Variants in ZNF385D observed in about 807,000 individuals in gnomAD.
ZNF385D encodes the protein zinc finger protein 385D.
ZNF385D carries 15 observed loss-of-function variants against 35.8 expected under a neutral mutation model. That is an observed-to-expected ratio of 0.42 (90% CI 0.28 to 0.64). The LOEUF (loss-of-function observed/expected upper bound fraction) is 0.64, where lower values mean the gene tolerates loss of function less well. Among genes scored for constraint, ZNF385D ranks in the 30% least tolerant of loss-of-function variants. The pLI is 0.23. For missense variants in ZNF385D, 474 were observed against 494.6 expected (o/e 0.96, Z 0.39); for synonymous variants, 212 against 186.8 (o/e 1.13, Z -1.10).
At chr3:22,074,407 G>A (rs541481394) in intron 3 of ZNF385D, among the ~76,000 whole-genome samples, 2 of 151,940 alleles carry the variant, frequency 1.3e-5, no homozygotes, top group African/African-American at 2.4e-5. Context: ...ATTTTTCTAT[G>A]GGTGGAGCTA....
chr3:21,828,013 T>G (rs895759149), intron 3 of ZNF385D, among the ~76,000 whole-genome samples: 9 of 152,186 alleles, frequency 5.9e-5, no homozygotes, highest in African/African-American at 2.2e-4. Flanking sequence ...TGACTCAGAG[T>G]TTATGCATTT....
chr3:21,895,494 A>AT (rs1221696542), intron 3 of ZNF385D, among the ~76,000 whole-genome samples: 4,760 of 131,454 alleles, frequency 0.036, 132 homozygotes, highest in African/African-American at 0.071. Context: ...TGCCTGGCTA[A>AT]TTTTTTTTTT....
chr3:21,761,603 A>C (rs1308165079), intron 3 of ZNF385D, among the ~76,000 whole-genome samples: 1 of 152,132 alleles, frequency 6.6e-6, no homozygotes, highest in Non-Finnish European at 1.5e-5. Context: ...GAAGTAATAC[A>C]GTCTCATAGG....
At chr3:21,918,604 G>T (rs893983017) in intron 3 of ZNF385D, among the ~76,000 whole-genome samples, 5 of 152,038 alleles carry the variant, frequency 3.3e-5, no homozygotes, top group Non-Finnish European at 5.9e-5. Context: ...ATACATGAGA[G>T]GAAAAGTGAA....
At chr3:22,369,165 G>C in intron 2 of ZNF385D, among the ~76,000 whole-genome samples, 1 of 152,098 alleles carries the variant, frequency 6.6e-6, no homozygotes, top group East Asian at 1.9e-4. Context: ...TCCAATATTA[G>C]TTTCTTCAAT....
At chr3:21,677,822 T>C (rs1281861340) in intron 1 of ZNF385D, among the ~76,000 whole-genome samples, 2 of 152,046 alleles carry the variant, frequency 1.3e-5, no homozygotes, top group East Asian at 3.9e-4. Flanking sequence ...TTTTTAGTTG[T>C]GGAAACTGGG....
intron 7 of ZNF385D, 128 bp downstream of exon 7, chr3:21,423,835 T>A (rs1388531606): frequency 1.3e-6 from 1 of 789,560 alleles, no homozygotes; most frequent in East Asian, 3.1e-5. Context: ...CTATGATAAA[T>A]CTGAACTCAA....
At chr3:21,717,870 G>T (rs1322539973) in intron 1 of ZNF385D, among the ~76,000 whole-genome samples, 1 of 152,124 alleles carries the variant, frequency 6.6e-6, no homozygotes, top group African/African-American at 2.4e-5. Flanking sequence ...CCAGTCTCAG[G>T]TATGTCTTTA....
At chr3:21,553,779 A>G (rs2125606595) in intron 3 of ZNF385D, among the ~76,000 whole-genome samples, 1 of 152,314 alleles carries the variant, frequency 6.6e-6, no homozygotes, top group South Asian at 2.1e-4. Flanking sequence ...CAGCGTTCAC[A>G]GCATCTTCAT....
At chr3:21,754,730 CTGTT>C (rs1035981320), upstream of ZNF385D, among the ~76,000 whole-genome samples, 5 of 151,970 alleles carry the variant, frequency 3.3e-5, no homozygotes, top group African/African-American at 4.8e-5. Flanking sequence ...TTTTAGACGT[CTGTT>C]TATTTTTGAT....
chr3:22,068,917 G>C (rs1002499348), intron 3 of ZNF385D, among the ~76,000 whole-genome samples: 6 of 152,170 alleles, frequency 3.9e-5, no homozygotes, highest in Non-Finnish European at 4.4e-5. Flanking sequence ...ATGGAGGAAG[G>C]TGTCTCAGGA....
intron 1 of ZNF385D, among the ~76,000 whole-genome samples, chr3:21,682,881 G>A (rs1028355181): frequency 6.7e-6 from 1 of 149,978 alleles, no homozygotes; most frequent in African/African-American, 2.5e-5. Flanking sequence ...GTACCAGTAA[G>A]ATTTTACTTT....
chr3:21,724,899 C>T (rs2068695992), intron 1 of ZNF385D, among the ~76,000 whole-genome samples: 1 of 152,164 alleles, frequency 6.6e-6, no homozygotes, highest in Non-Finnish European at 1.5e-5. Context: ...AGCACTACAT[C>T]ACACTTATTC....
At chr3:21,512,151 A>AAT (rs2125471830) in intron 3 of ZNF385D, among the ~76,000 whole-genome samples, 1 of 151,488 alleles carries the variant, frequency 6.6e-6, no homozygotes, top group Non-Finnish European at 1.5e-5. Flanking sequence ...ATCTCAAAAA[A>AAT]AAAAAAAAAA....
chr3:22,151,133 G>C (rs1005932161), intron 3 of ZNF385D, among the ~76,000 whole-genome samples: 25 of 152,152 alleles, frequency 1.6e-4, no homozygotes, highest in Non-Finnish European at 1.2e-4. Context: ...GAGAATACTG[G>C]AAAGGACATC....
At chr3:22,106,447 T>C (rs1033980842) in intron 3 of ZNF385D, among the ~76,000 whole-genome samples, 9 of 152,160 alleles carry the variant, frequency 5.9e-5, no homozygotes, top group Non-Finnish European at 1.2e-4. Context: ...CAATACAGAG[T>C]ACCTGACTGG....
chr3:22,152,346 C>T (rs532638596), intron 3 of ZNF385D, among the ~76,000 whole-genome samples: 4 of 152,214 alleles, frequency 2.6e-5, no homozygotes, highest in East Asian at 1.9e-4. Flanking sequence ...AGGAAAATGA[C>T]GGTATCTGTA....
At chr3:21,786,046 C>A (rs17009582) in intron 3 of ZNF385D, among the ~76,000 whole-genome samples, 11,454 of 150,998 alleles carry the variant, frequency 0.076, 588 homozygotes, top group South Asian at 0.12. Flanking sequence ...CATGTGACTT[C>A]ATTTAACCTT....
chr3:21,671,240 C>T (rs529353418), intron 1 of ZNF385D, among the ~76,000 whole-genome samples: 7 of 152,016 alleles, frequency 4.6e-5, no homozygotes, highest in East Asian at 3.9e-4. Flanking sequence ...TATGCTTCCC[C>T]GCCTGTCAGA....
Sources: allele counts gnomAD v4.1 joint callset (sites outside exome capture counted in the v4.1 genomes callset), GRCh38; gene constraint gnomAD v4.1.1; transcripts MANE v1.5; gene names NCBI Gene and HGNC (gene_info 2026-07-23, HGNC 2026-07-21).